The following LRMDA variants were observed in gnomAD, a reference collection of about 807,000 sequenced individuals.
LRMDA encodes the protein leucine rich melanocyte differentiation associated, also known as leucine-rich melanocyte differentiation-associated protein.
Under a neutral mutation model 29.8 loss-of-function variants are expected in LRMDA, and 18 were observed. The observed-to-expected ratio is 0.60, with a 90% CI of 0.42 to 0.90. The LOEUF (loss-of-function observed/expected upper bound fraction) is 0.90. Ranked by LOEUF, LRMDA falls within the 40% of genes least tolerant of loss-of-function variation. LRMDA has a pLI of 0.00. For missense variants in LRMDA, 273 were observed against 273.9 expected, an observed-to-expected ratio of 1.00 and a Z score of 0.02; for synonymous variants, 125 against 109.4, an observed-to-expected ratio of 1.14 and a Z score of -0.89.
chr10:76,085,255 G>A (rs1849115584), intron 5 of LRMDA, among the ~76,000 whole-genome samples: 1 of 152,156 alleles, frequency 6.6e-6, no homozygotes, highest in South Asian at 2.1e-4. Flanking sequence ...TGCAATAAAT[G>A]CATCCTAATA....
chr10:75,464,589 C>T (rs549855035), intron 2 of LRMDA, among the ~76,000 whole-genome samples: 9 of 152,280 alleles, frequency 5.9e-5, no homozygotes, highest in Admixed American at 3.3e-4. Context: ...AAGAAAGGAA[C>T]GGCATGAGGA....
chr10:75,750,256 T>A (rs1282154173), intron 2 of LRMDA, among the ~76,000 whole-genome samples: 1 of 146,456 alleles, frequency 6.8e-6, no homozygotes, highest in Non-Finnish European at 1.5e-5. Context: ...GGGCGGGGGC[T>A]GCCCACCTCC....
chr10:75,538,181 C>T (rs532716191), intron 2 of LRMDA, among the ~76,000 whole-genome samples: 1 of 152,216 alleles, frequency 6.6e-6, no homozygotes, highest in African/African-American at 2.4e-5. Flanking sequence ...CTGATGAGGC[C>T]GCTGCATCGA....
intron 6 of LRMDA, among the ~76,000 whole-genome samples, chr10:76,503,587 T>C (rs1410854577): frequency 6.6e-6 from 1 of 151,958 alleles, no homozygotes; most frequent in Non-Finnish European, 1.5e-5. Flanking sequence ...TTTATCCATT[T>C]CCTGTAGATT....
At chr10:76,343,965 G>A (rs1841072308) in intron 6 of LRMDA, among the ~76,000 whole-genome samples, 2 of 151,958 alleles carry the variant, frequency 1.3e-5, no homozygotes, top group South Asian at 2.1e-4. Context: ...TTACAGACCC[G>A]TGCCACCACG....
intron 2 of LRMDA, among the ~76,000 whole-genome samples, chr10:75,917,393 G>A (rs1360837152): frequency 2.0e-5 from 3 of 152,172 alleles, no homozygotes; most frequent in Non-Finnish European, 4.4e-5. Flanking sequence ...TAGAGAACAC[G>A]ACTCCATGCT....
chr10:76,478,781 G>A (rs1842705685), intron 6 of LRMDA, among the ~76,000 whole-genome samples: 1 of 151,638 alleles, frequency 6.6e-6, no homozygotes, highest in Non-Finnish European at 1.5e-5. Flanking sequence ...GTCATTCTCA[G>A]CAAACTATAT....
chr10:76,554,372 G>A (rs372855742), intron 6 of LRMDA, among the ~76,000 whole-genome samples: 9 of 152,160 alleles, frequency 5.9e-5, no homozygotes, highest in Admixed American at 2.0e-4. Flanking sequence ...AGACTAGCTC[G>A]GCTCTTCACC....
At chr10:75,741,962 A>C (rs767088620) in intron 2 of LRMDA, among the ~76,000 whole-genome samples, 3 of 152,198 alleles carry the variant, frequency 2.0e-5, no homozygotes, top group Non-Finnish European at 2.9e-5. Flanking sequence ...CTGTGAGGAC[A>C]GAATGCAAAG....
chr10:75,645,189 G>T (rs1841502672), intron 2 of LRMDA, among the ~76,000 whole-genome samples: 2 of 152,112 alleles, frequency 1.3e-5, no homozygotes, highest in Non-Finnish European at 2.9e-5. Context: ...TGCCATGTTG[G>T]CCAGGCTGGT....
At chr10:76,543,849 T>C (rs1338457657) in intron 6 of LRMDA, among the ~76,000 whole-genome samples, 1 of 152,304 alleles carries the variant, frequency 6.6e-6, no homozygotes, top group Non-Finnish European at 1.5e-5. Context: ...AAAATTTCAA[T>C]TGTATAGCAT....
chr10:76,347,731 T>A (rs983634861), intron 6 of LRMDA, among the ~76,000 whole-genome samples: 2 of 152,184 alleles, frequency 1.3e-5, no homozygotes, highest in African/African-American at 4.8e-5. Context: ...CTGGTAATTT[T>A]GTTTTGTTAT....
intron 2 of LRMDA, among the ~76,000 whole-genome samples, chr10:75,439,004 CG>C (rs1844295891): frequency 6.6e-6 from 1 of 152,088 alleles, no homozygotes; most frequent in Admixed American, 6.5e-5. Context: ...TAATTTCTCC[CG>C]GATGGTGTTT....
In LRMDA at chr10:76,267,207, G is replaced by GT. The variant is rs530359995; in HGVS notation, c.517-57186dup. On this transcript the variant is annotated intron_variant, in intron 5 of 6. Transcript: ENST00000611255. The stretch of plus-strand genomic sequence containing the variant: ...AACTTTATGCACATAATTTTTTTTT[G>GT]TTTTTTTTAAACAGCTATTTTGAGG... Among the ~76,000 whole-genome samples the GT allele has an allele frequency of 1.2e-3, 189 of 151,318 alleles. 1 individual carries two copies. Among genetic ancestry groups the GT allele is most frequent in the Non-Finnish European group, 2.0e-3 (138 of 67,790 alleles).
chr10:76,374,520 G>A (rs1218172643), intron 6 of LRMDA, among the ~76,000 whole-genome samples: 1 of 152,126 alleles, frequency 6.6e-6, no homozygotes, highest in Non-Finnish European at 1.5e-5. Flanking sequence ...TTTGGCATGA[G>A]GTAGACAAGT....
chr10:76,102,870 T>C (rs2132104077), intron 5 of LRMDA, among the ~76,000 whole-genome samples: 1 of 150,936 alleles, frequency 6.6e-6, no homozygotes, highest in East Asian at 1.9e-4. Context: ...CAGGCTGGCC[T>C]TTAACTCTTG....
At chr10:76,384,269 A>G (rs549835487) in intron 6 of LRMDA, among the ~76,000 whole-genome samples, 1 of 152,344 alleles carries the variant, frequency 6.6e-6, no homozygotes, top group East Asian at 1.9e-4. Flanking sequence ...ACATTTATCT[A>G]TTAACCAATG....
At chr10:76,232,017 A>G (rs1416400025) in intron 5 of LRMDA, among the ~76,000 whole-genome samples, 2 of 152,166 alleles carry the variant, frequency 1.3e-5, no homozygotes, top group Non-Finnish European at 2.9e-5. Context: ...CTTCTATAAC[A>G]CTTCAGTGTA....
intron 6 of LRMDA, among the ~76,000 whole-genome samples, chr10:76,370,614 A>G (rs1841443132): frequency 6.6e-6 from 1 of 152,158 alleles, no homozygotes. Flanking sequence ...TGAGAGAGAG[A>G]AAGACTATAT....
Sources: allele counts gnomAD v4.1 joint callset (sites outside exome capture counted in the v4.1 genomes callset), GRCh38; gene constraint gnomAD v4.1.1; transcripts MANE v1.5; gene names NCBI Gene and HGNC (gene_info 2026-07-23, HGNC 2026-07-21).